GDA: variants seen among roughly 807,000 people sequenced by gnomAD.
GDA encodes the protein guanine deaminase.
A neutral mutation model predicts 59.6 loss-of-function variants in GDA; 18 were observed. That is an observed-to-expected ratio of 0.30 (90% CI 0.21 to 0.45). The LOEUF (loss-of-function observed/expected upper bound fraction) is 0.45. Among genes scored for constraint, GDA ranks in the 20% least tolerant of loss-of-function variants. The pLI is 1.00. For missense variants in GDA, 427 were observed against 552.3 expected (o/e 0.77, Z 2.27); for synonymous variants, 201 against 201.1 (o/e 1.00, Z 0.00).
chr9:72,211,852 A>G (rs1835415016), intron 4 of GDA, among the ~76,000 whole-genome samples: 1 of 152,178 alleles, frequency 6.6e-6, no homozygotes, highest in South Asian at 2.1e-4. Flanking sequence ...GAGGGTTCAC[A>G]TTGTAGAAGA....
At chr9:72,231,033 C>T (rs34354742) in intron 9 of GDA, 81 bp from the exon 10 acceptor site, 125,554 of 822,496 alleles carry the variant, frequency 0.15, 10,921 homozygotes, top group African/African-American at 0.27. Flanking sequence ...TTTTCAGTGG[C>T]ATCACCGTCA....
At chr9:72,159,618 A>T (rs889428060) in intron 1 of GDA, among the ~76,000 whole-genome samples, 8 of 152,222 alleles carry the variant, frequency 5.3e-5, no homozygotes, top group African/African-American at 1.9e-4. Flanking sequence ...AAGATTCTCC[A>T]GAAGCTTAAA....
intron 1 of GDA, among the ~76,000 whole-genome samples, chr9:72,133,790 G>A (rs1408261301): frequency 6.6e-6 from 1 of 152,170 alleles, no homozygotes; most frequent in Non-Finnish European, 1.5e-5. Flanking sequence ...TATGAATGGG[G>A]TCCTCTGTAT....
At chr9:72,246,054 G>C (rs1313625309) in intron 12 of GDA, among the ~76,000 whole-genome samples, 1 of 152,044 alleles carries the variant, frequency 6.6e-6, no homozygotes, top group Non-Finnish European at 1.5e-5. Flanking sequence ...TTATAAAAGA[G>C]GAAAAATATA....
At chr9:72,204,198 A>G (rs1409184031) in intron 3 of GDA, among the ~76,000 whole-genome samples, 1 of 152,226 alleles carries the variant, frequency 6.6e-6, no homozygotes, top group African/African-American at 2.4e-5. Context: ...AGCATGCACC[A>G]CATGACACTA....
At chr9:72,180,226 G>T (rs1269770341) in intron 1 of GDA, among the ~76,000 whole-genome samples, 1 of 152,104 alleles carries the variant, frequency 6.6e-6, no homozygotes, top group Non-Finnish European at 1.5e-5. Context: ...GCATGGTGGT[G>T]GGTGCCTGTA....
At chr9:72,164,642 A>G (rs1035478973) in intron 1 of GDA, among the ~76,000 whole-genome samples, 4 of 152,330 alleles carry the variant, frequency 2.6e-5, no homozygotes, top group African/African-American at 9.6e-5. Flanking sequence ...TTAAGTTATC[A>G]GAGGACTTTT....
intron 1 of GDA, among the ~76,000 whole-genome samples, chr9:72,166,049 A>G: frequency 6.6e-6 from 1 of 152,190 alleles, no homozygotes; most frequent in East Asian, 1.9e-4. Flanking sequence ...AATCTAGTTG[A>G]GAAAAACAAC....
At chr9:72,236,455 A>G (rs1206315283) in intron 10 of GDA, among the ~76,000 whole-genome samples, 1 of 152,222 alleles carries the variant, frequency 6.6e-6, no homozygotes, top group East Asian at 1.9e-4. Flanking sequence ...GTTATTGAGA[A>G]ATAGAAACGA....
chr9:72,134,370 C>T (rs1167267271), intron 1 of GDA, among the ~76,000 whole-genome samples: 1 of 151,186 alleles, frequency 6.6e-6, no homozygotes, highest in African/African-American at 2.4e-5. Context: ...CTCCATAAAA[C>T]CTACTGTGCT....
At chr9:72,164,300 A>G (rs886417998) in intron 1 of GDA, among the ~76,000 whole-genome samples, 3 of 152,218 alleles carry the variant, frequency 2.0e-5, no homozygotes, top group Admixed American at 6.5e-5. Flanking sequence ...GGGTATTGTC[A>G]TAGAAGGCAA....
In GDA at chr9:72,149,499, T is replaced by C; in HGVS notation, c.-61T>C. On this transcript the variant is annotated 5_prime_UTR_variant, in exon 1 of 14. Coordinates refer to ENST00000358399, the MANE Select transcript of GDA (RefSeq NM_004293.5). Reference sequence around the variant, plus strand: ...CGCCCGCAGCTGCAGAGAGTCCCGCTGCGTCTCCGCCGCGTGCGCCCTCCT... The same window carrying C: ...CGCCCGCAGCTGCAGAGAGTCCCGCCGCGTCTCCGCCGCGTGCGCCCTCCT... 6.3e-7 allele frequency: 1 copy of C among 1,590,904 alleles called. No individual in the cohort carries two copies. The highest frequency in any genetic ancestry group is 8.5e-7 in the Non-Finnish European group (1 of 1,171,664).
rs201065067 is a variant in GDA, at chr9:72,236,776, ATTTT to A, written c.989-4358_989-4355del. ...TAAGCAAAGAAACAAAACCACTCCT[ATTTT>A]TTTTTTTTTTTTTTTTTGAGATGGA... is the stretch of plus-strand genomic sequence containing the variant. On this transcript the variant is annotated intron_variant, in intron 10 of 13. Transcript: ENST00000358399. 4.1e-3 allele frequency among the ~76,000 whole-genome samples: 414 copies of A among 101,452 alleles called. 1 individual carries two copies. The highest frequency in any genetic ancestry group is 0.015 in the African/African-American group (399 of 25,858). The allele number at this position is 101,452 out of a possible 152,430, so 66.6% of individuals were successfully genotyped here.
In GDA at chr9:72,161,026, C is replaced by T. The variant is rs998376256; in HGVS notation, c.123+11344C>T. 6.6e-5 allele frequency among the ~76,000 whole-genome samples: 10 copies of T among 152,220 alleles called. No homozygotes were observed. In the South Asian group the frequency reaches 1.9e-3, roughly 28 times the overall value. On this transcript the variant is annotated intron_variant, in intron 1 of 13. Coordinates refer to ENST00000358399, the MANE Select transcript of GDA (RefSeq NM_004293.5). Reference sequence around the variant, plus strand: ...AGTTCAAGCAATTCTCCACCCGCCACCTCTCAAGTAGCTGGGACTACAGGT... The same window carrying T: ...AGTTCAAGCAATTCTCCACCCGCCATCTCTCAAGTAGCTGGGACTACAGGT...
At chr9:72,160,758 A>G (rs897390415) in intron 1 of GDA, among the ~76,000 whole-genome samples, 1 of 152,212 alleles carries the variant, frequency 6.6e-6, no homozygotes, top group African/African-American at 2.4e-5. Context: ...CCATTGCCTA[A>G]CCGTGTGATA....
chr9:72,231,672 A>T (rs994936242), intron 10 of GDA, among the ~76,000 whole-genome samples: 2 of 152,308 alleles, frequency 1.3e-5, no homozygotes, highest in East Asian at 3.9e-4. Flanking sequence ...ATAAAGGATG[A>T]TTAATTCCTT....
chr9:72,214,527 C>T (rs2131482468), intron 5 of GDA, among the ~76,000 whole-genome samples: 1 of 151,940 alleles, frequency 6.6e-6, no homozygotes, highest in East Asian at 2.0e-4. Context: ...AACTCCTGAC[C>T]TCGTGATCTG....
chr9:72,212,688 T>A (rs2131453619), intron 4 of GDA, among the ~76,000 whole-genome samples: 1 of 152,198 alleles, frequency 6.6e-6, no homozygotes, highest in African/African-American at 2.4e-5. Context: ...ATTCCAGTGC[T>A]CATGTTCTTA....
chr9:72,244,059 C>T (rs1839899105), intron 11 of GDA, among the ~76,000 whole-genome samples: 1 of 151,936 alleles, frequency 6.6e-6, no homozygotes, highest in South Asian at 2.1e-4. Context: ...TGCCTGTAGT[C>T]CTAGCTACTC....
Sources: gnomAD v4.1 joint callset for allele counts (sites outside exome capture counted in the v4.1 genomes callset) on GRCh38, gnomAD v4.1.1 for gene constraint, MANE v1.5 for transcripts, NCBI Gene and HGNC (gene_info 2026-07-23, HGNC 2026-07-21) for gene names.